Variants in ZNF362 observed in about 807,000 individuals in gnomAD.
ZNF362 encodes zinc finger protein 362.
In ZNF362, 11 loss-of-function variants were observed where a neutral mutation model predicts 42.9. The ratio of observed to expected loss-of-function variants is 0.26; its 90% confidence interval spans 0.16 to 0.42. ZNF362 has a LOEUF of 0.42. Ranked by LOEUF, ZNF362 falls within the 20% of genes least tolerant of loss-of-function variation. ZNF362 has a pLI of 1.00. For missense variants in ZNF362, 362 were observed against 576.2 expected, an observed-to-expected ratio of 0.63 and a Z score of 3.81; for synonymous variants, 255 against 257.3, an observed-to-expected ratio of 0.99 and a Z score of 0.09.
intron 4 of ZNF362, among the ~76,000 whole-genome samples, chr1:33,278,258 T>G (rs1645966090): frequency 6.6e-6 from 1 of 152,184 alleles, no homozygotes; most frequent in African/African-American, 2.4e-5. Context: ...CTTTTCAATG[T>G]TCATGTGTGT....
chr1:33,257,914 C>G (rs901375248), intron 1 of ZNF362, among the ~76,000 whole-genome samples: 4 of 151,990 alleles, frequency 2.6e-5, no homozygotes, highest in African/African-American at 9.7e-5. Flanking sequence ...TGAGCTTGGC[C>G]CTTTGCAGTT....
At chr1:33,243,159 T>TTATGTTA in the ZNF362 span, among the ~76,000 whole-genome samples, 1 of 136,350 alleles carries the variant, frequency 7.3e-6, no homozygotes, top group Admixed American at 7.1e-5. Flanking sequence ...TTATGTTATG[T>TTATGTTA]TGTTATGTTA....
At chr1:33,286,738 C>G (rs1310920555) in intron 6 of ZNF362, among the ~76,000 whole-genome samples, 1 of 152,180 alleles carries the variant, frequency 6.6e-6, no homozygotes, top group African/African-American at 2.4e-5. Flanking sequence ...GAAGAAACAA[C>G]CAGATTCCAG....
chr1:33,238,814 C>T, the ZNF362 span, among the ~76,000 whole-genome samples: 2 of 152,150 alleles, frequency 1.3e-5, no homozygotes, highest in East Asian at 3.8e-4. Context: ...TCGACGTATG[C>T]ACACAGAGAA....
chr1:33,223,519 C>G, the ZNF362 span, among the ~76,000 whole-genome samples: 1 of 152,238 alleles, frequency 6.6e-6, no homozygotes, highest in South Asian at 2.1e-4. Flanking sequence ...ACTCTCTGTT[C>G]TATTACCATT....
chr1:33,221,220 G>A, the ZNF362 span, among the ~76,000 whole-genome samples: 1 of 152,204 alleles, frequency 6.6e-6, no homozygotes, highest in African/African-American at 2.4e-5. Context: ...GAATGTAAGA[G>A]GCTTAAGCAA....
chr1:33,287,824 C>T (rs910106424), intron 6 of ZNF362, among the ~76,000 whole-genome samples: 2 of 152,152 alleles, frequency 1.3e-5, no homozygotes, highest in Admixed American at 1.3e-4. Flanking sequence ...CATAAAATCC[C>T]TGTACAGTGT....
chr1:33,241,089 C>CA, the ZNF362 span, among the ~76,000 whole-genome samples: 1 of 150,072 alleles, frequency 6.7e-6, no homozygotes. Flanking sequence ...GACAATTCCC[C>CA]CGCCCCGCCC....
chr1:33,138,792 AC>A, the ZNF362 span, among the ~76,000 whole-genome samples: 2 of 152,158 alleles, frequency 1.3e-5, no homozygotes, highest in African/African-American at 4.8e-5. Context: ...AAATAAAACG[AC>A]CCAGGAAAGC....
the ZNF362 span, among the ~76,000 whole-genome samples, chr1:33,140,111 G>C: frequency 1.2e-4 from 18 of 152,166 alleles, no homozygotes; most frequent in Non-Finnish European, 2.4e-4. This position sits in a 1 kb window ranked among gnomAD's most constrained non-coding sequence, Gnocchi z 4.0. Flanking sequence ...TAAGAGGAAA[G>C]AGGGGAGAGA....
the ZNF362 span, among the ~76,000 whole-genome samples, chr1:33,136,930 G>C: frequency 6.6e-6 from 1 of 151,692 alleles, no homozygotes; most frequent in Non-Finnish European, 1.5e-5. Context: ...CCAGGAGGCA[G>C]AGGTTGCAGT....
At chr1:33,287,360 G>T (rs565024227) in intron 6 of ZNF362, among the ~76,000 whole-genome samples, 1 of 152,300 alleles carries the variant, frequency 6.6e-6, no homozygotes, top group Non-Finnish European at 1.5e-5. Context: ...GGTAGCATGT[G>T]TTGTAGCTCC....
the ZNF362 span, among the ~76,000 whole-genome samples, chr1:33,215,654 C>G: frequency 1.3e-5 from 2 of 152,042 alleles, no homozygotes; most frequent in Non-Finnish European, 2.9e-5. Flanking sequence ...TCCATAGTCA[C>G]TAACATTTTT....
chr1:33,265,834 T>C (rs914393615), intron 1 of ZNF362, among the ~76,000 whole-genome samples: 2 of 152,176 alleles, frequency 1.3e-5, no homozygotes, highest in African/African-American at 4.8e-5. Flanking sequence ...CCGGAGCACC[T>C]TAGCCTGCAA....
At chr1:33,195,822 T>C in the ZNF362 span, 1 of 152,142 alleles carries the variant, frequency 6.6e-6, no homozygotes, top group Admixed American at 6.5e-5. Context: ...TCATAAACAC[T>C]GTACACTATG....
At chr1:33,144,168 C>T in the ZNF362 span, among the ~76,000 whole-genome samples, 3 of 136,640 alleles carry the variant, frequency 2.2e-5, no homozygotes, top group African/African-American at 8.1e-5. Flanking sequence ...GACGGAGTTT[C>T]GCTCTTTGCC....
chr1:33,195,406 T>C, the ZNF362 span: 9 of 152,330 alleles, frequency 5.9e-5, no homozygotes, highest in Non-Finnish European at 7.4e-5. Context: ...ACAGTTATTA[T>C]TGATAATTAT....
At chr1:33,219,811 T>C in the ZNF362 span, among the ~76,000 whole-genome samples, 1 of 152,112 alleles carries the variant, frequency 6.6e-6, no homozygotes, top group Non-Finnish European at 1.5e-5. Flanking sequence ...CCTGGGTCTA[T>C]CCCTGCCCAG....
intron 1 of ZNF362, among the ~76,000 whole-genome samples, chr1:33,265,530 G>A (rs1645859573): frequency 1.3e-5 from 2 of 152,130 alleles, no homozygotes; most frequent in South Asian, 4.1e-4. Flanking sequence ...TCCCAGGAGT[G>A]TGTTTCTGGT....
Sources: gnomAD v4.1 joint callset for allele counts (sites outside exome capture counted in the v4.1 genomes callset) on GRCh38, gnomAD v4.1.1 for gene constraint, Gnocchi (gnomAD v3.1) non-coding constraint, MANE v1.5 for transcripts, NCBI Gene and HGNC (gene_info 2026-07-23, HGNC 2026-07-21) for gene names.